CNTNAP2: variants seen among roughly 807,000 people sequenced by gnomAD.
The protein encoded by CNTNAP2 is contactin associated protein 2, also known as contactin-associated protein-like 2.
Under a neutral mutation model 155.2 loss-of-function variants are expected in CNTNAP2, and 98 were observed. That is an observed-to-expected ratio of 0.63 (90% confidence interval 0.54 to 0.75). CNTNAP2 has a LOEUF of 0.75. Among genes scored for constraint, CNTNAP2 ranks in the 30% least tolerant of loss-of-function variants. The probability of loss-of-function intolerance (pLI) is 0.00; values close to 1 mark genes in which losing one functional copy is unlikely to be tolerated. For synonymous variants in CNTNAP2, 651 were observed against 631.2 expected (o/e 1.03, Z -0.47); for missense variants, 1,727 against 1,688.1 (o/e 1.02, Z -0.40).
chr7:147,411,083 A>G (rs55752971), intron 10 of CNTNAP2, among the ~76,000 whole-genome samples: 7,556 of 152,292 alleles, frequency 0.05, 238 homozygotes, highest in Middle Eastern at 0.11. Flanking sequence ...AACTGGCATC[A>G]TTCTGAAATC....
chr7:146,738,592 A>C (rs1801658999), intron 1 of CNTNAP2, among the ~76,000 whole-genome samples: 1 of 150,904 alleles, frequency 6.6e-6, no homozygotes, highest in Non-Finnish European at 1.5e-5. Flanking sequence ...TATTGCCCTG[A>C]CCAATATAAA....
chr7:148,250,217 C>CA (rs1474440981), intron 20 of CNTNAP2, among the ~76,000 whole-genome samples: 5 of 152,230 alleles, frequency 3.3e-5, no homozygotes, highest in African/African-American at 1.2e-4. Context: ...CTCCTTTTCT[C>CA]AGTGAGGCTA....
At chr7:147,899,219 A>C (rs998827089) in intron 13 of CNTNAP2, among the ~76,000 whole-genome samples, 1 of 152,168 alleles carries the variant, frequency 6.6e-6, no homozygotes, top group African/African-American at 2.4e-5. Context: ...ATGTGCCTGT[A>C]GTTCCAGCTA....
At chr7:147,708,635 T>C (rs1796354342) in intron 13 of CNTNAP2, among the ~76,000 whole-genome samples, 1 of 151,998 alleles carries the variant, frequency 6.6e-6, no homozygotes, top group African/African-American at 2.4e-5. Flanking sequence ...ATTGCATGAG[T>C]TCATGGTGGG....
chr7:146,893,235 T>C (rs935659641), intron 3 of CNTNAP2, among the ~76,000 whole-genome samples: 2 of 152,092 alleles, frequency 1.3e-5, no homozygotes, highest in Admixed American at 1.3e-4. Context: ...GATCAAAGCA[T>C]AATTTCAGTT....
intron 1 of CNTNAP2, among the ~76,000 whole-genome samples, chr7:146,530,058 C>T (rs982519541): frequency 1.3e-5 from 2 of 152,038 alleles, no homozygotes; most frequent in Admixed American, 1.3e-4. Flanking sequence ...CAAAAGGAAA[C>T]TTTATAATGT....
At chr7:146,674,301 C>A (rs1800358088) in intron 1 of CNTNAP2, among the ~76,000 whole-genome samples, 1 of 152,208 alleles carries the variant, frequency 6.6e-6, no homozygotes, top group Non-Finnish European at 1.5e-5. Context: ...AACTATGTGT[C>A]AGACATTTTA....
chr7:148,014,212 A>G (rs1802133294), intron 15 of CNTNAP2: 1 of 150,782 alleles, frequency 6.6e-6, no homozygotes, highest in Admixed American at 6.6e-5. Context: ...ACCACCCAGT[A>G]TTATTTGACT....
intron 15 of CNTNAP2, among the ~76,000 whole-genome samples, chr7:148,062,979 C>T (rs1169062831): frequency 6.6e-6 from 1 of 152,046 alleles, no homozygotes; most frequent in Non-Finnish European, 1.5e-5. Context: ...GTAGCAGACA[C>T]TTTAAATGAC....
At chr7:146,988,764 A>G (rs1798159827) in intron 3 of CNTNAP2, among the ~76,000 whole-genome samples, 1 of 152,218 alleles carries the variant, frequency 6.6e-6, no homozygotes, top group Non-Finnish European at 1.5e-5. Context: ...AGAATCATGT[A>G]ATAGATCTTA....
chr7:147,474,465 C>T (rs1237445362), intron 10 of CNTNAP2, among the ~76,000 whole-genome samples: 4 of 151,966 alleles, frequency 2.6e-5, no homozygotes, highest in Non-Finnish European at 5.9e-5. Flanking sequence ...CATCTGTAAT[C>T]CCAGCTACTC....
At chr7:146,131,329 C>T (rs1008592857) in intron 1 of CNTNAP2, among the ~76,000 whole-genome samples, 1 of 152,080 alleles carries the variant, frequency 6.6e-6, no homozygotes, top group Non-Finnish European at 1.5e-5. Context: ...TATTTTTCAT[C>T]CTATAAATGT....
In CNTNAP2 at chr7:148,200,757, G is replaced by A. The variant is rs1795357551; in HGVS notation, c.3011-16531G>A. Reference sequence around the variant, plus strand: ...AGGCAAGATATAAATAGAAGGCTTTGAAAGGCAATACAACATAGTAGTTAA... The same window carrying A: ...AGGCAAGATATAAATAGAAGGCTTTAAAAGGCAATACAACATAGTAGTTAA... On this transcript the variant is annotated intron_variant, in intron 18 of 23. Coordinates refer to ENST00000361727, the MANE Select transcript of CNTNAP2 (RefSeq NM_014141.6). Among the ~76,000 whole-genome samples, 4 of 152,286 alleles carry A rather than the reference G, an allele frequency of 2.6e-5. No individual in the cohort carries two copies. The South Asian group carries it at 8.3e-4, about 32-fold the overall frequency.
chr7:147,838,236 C>T (rs1283339935), intron 13 of CNTNAP2, among the ~76,000 whole-genome samples: 1 of 152,142 alleles, frequency 6.6e-6, no homozygotes, highest in African/African-American at 2.4e-5. Context: ...CCCCACGAAA[C>T]CATTTTTCTC....
intron 1 of CNTNAP2, among the ~76,000 whole-genome samples, chr7:146,362,728 T>C (rs1795099601): frequency 6.6e-6 from 1 of 150,768 alleles, no homozygotes. Context: ...AACTGAATTA[T>C]AGCAAAAATA....
chr7:147,345,303 T>C lies in CNTNAP2; in HGVS notation c.1498+45013T>C, dbSNP rs1426996885. ...GGAGAAAGTACTCTGCTTAAATCTA[T>C]TTCGATAAGATAGTTTTAAAACTTT... On this transcript the variant is annotated intron_variant, in intron 9 of 23. Coordinates refer to ENST00000361727, the MANE Select transcript of CNTNAP2 (RefSeq NM_014141.6). Among the ~76,000 whole-genome samples the C allele has an allele frequency of 2.0e-5, 3 of 152,204 alleles. No homozygotes were observed. The South Asian group carries it at 6.2e-4, about 32-fold the overall frequency.
At position 148,313,677 on chromosome 7, in the gene CNTNAP2, T is replaced by C. The variant is rs1176553370; in HGVS notation, c.3475+46551T>C. 2.0e-5 allele frequency among the ~76,000 whole-genome samples: 3 copies of C among 152,204 alleles called. No individual in the cohort carries two copies. The South Asian group carries it at 6.2e-4, about 32-fold the overall frequency. Reference sequence around the variant, plus strand: ...TACTTGGCTGCCTCTACTCTATTATTGTACACCTTGAAGGCAAGGTTAATT... The same window carrying C: ...TACTTGGCTGCCTCTACTCTATTATCGTACACCTTGAAGGCAAGGTTAATT... On this transcript the variant is annotated intron_variant, in intron 21 of 23. Coordinates refer to ENST00000361727, the MANE Select transcript of CNTNAP2 (RefSeq NM_014141.6).
intron 11 of CNTNAP2, among the ~76,000 whole-genome samples, chr7:147,503,749 A>G (rs1211527734): frequency 2.6e-5 from 4 of 151,916 alleles, no homozygotes; most frequent in African/African-American, 7.3e-5. Context: ...TTATACACTC[A>G]GTTAATTTTT....
At chr7:147,514,284 A>C (rs851843) in intron 11 of CNTNAP2, among the ~76,000 whole-genome samples, 3 of 151,774 alleles carry the variant, frequency 2.0e-5, no homozygotes, top group Non-Finnish European at 4.4e-5. Flanking sequence ...ATATATAGAT[A>C]TGGATATTAT....
Sources: allele counts gnomAD v4.1 joint callset (sites outside exome capture counted in the v4.1 genomes callset), GRCh38; gene constraint gnomAD v4.1.1; transcripts MANE v1.5; gene names NCBI Gene and HGNC (gene_info 2026-07-23, HGNC 2026-07-21).